FHIT: variants seen among roughly 807,000 people sequenced by gnomAD.
FHIT encodes fragile histidine triad diadenosine triphosphatase, also known as bis(5'-adenosyl)-triphosphatase.
A neutral mutation model predicts 17.9 loss-of-function variants in FHIT; 19 were observed. The observed-to-expected ratio is 1.06, with a 90% CI of 0.74 to 1.56. The LOEUF (loss-of-function observed/expected upper bound fraction) is 1.56, where lower values mean the gene tolerates loss of function less well. Among genes scored for constraint, FHIT ranks in the 40% most tolerant of loss-of-function variants. The pLI, the probability that FHIT is intolerant of heterozygous loss-of-function variation, is 0.00. For synonymous variants in FHIT, 81 were observed against 69.7 expected, an observed-to-expected ratio of 1.16 and a Z score of -0.81; for missense variants, 248 against 189.2, an observed-to-expected ratio of 1.31 and a Z score of -1.82.
chr3:60,857,599 C>A lies in FHIT; in HGVS notation c.-110-35588G>T, dbSNP rs116728739. 7.2e-3 allele frequency among the ~76,000 whole-genome samples: 1,102 copies of A among 152,262 alleles called. 12 individuals are homozygous for A. The highest frequency in any genetic ancestry group is 0.027 in the Middle Eastern group (8 of 294). On this transcript the variant is annotated intron_variant, in intron 3 of 9. Coordinates refer to ENST00000492590, the MANE Select transcript of FHIT (RefSeq NM_002012.4). ...CATGCAATAAATGTTATAAAGAGTT[C>A]TTTATTGTTCTGCCCATCAACATCT...
intron 2 of FHIT, among the ~76,000 whole-genome samples, chr3:61,094,643 G>A (rs1035702249): frequency 6.6e-6 from 1 of 152,176 alleles, no homozygotes; most frequent in African/African-American, 2.4e-5. Flanking sequence ...GATAGCTAAT[G>A]ATAAAATAGA....
rs2033546176 is a variant in FHIT, at chr3:61,042,090, CA to C, written c.-155del. On this transcript the variant is annotated 5_prime_UTR_variant, in exon 3 of 10. Coordinates refer to ENST00000492590, the MANE Select transcript of FHIT (RefSeq NM_002012.4). ...CCTTCCACCGTCTGGATGTAGATAG[CA>C]CTACGGACCTAGGGAAAGGCAGAAA... 3 of 152,296 alleles carry C rather than the reference CA, an allele frequency of 2.0e-5. No individual in the cohort carries two copies. The South Asian group carries it at 6.2e-4, about 32-fold the overall frequency. 9.4% of individuals were successfully genotyped at this position (152,296 alleles called of 1,614,324 possible). A position where few individuals can be genotyped will look rare whatever the true frequency, so the allele number is the denominator to read the frequency against.
intron 5 of FHIT, among the ~76,000 whole-genome samples, chr3:60,254,578 C>T (rs545658876): frequency 6.6e-6 from 1 of 152,206 alleles, no homozygotes; most frequent in East Asian, 1.9e-4. Flanking sequence ...AAGTCATCGG[C>T]CAACAATATT....
chr3:60,253,802 A>T (rs920718236), intron 5 of FHIT, among the ~76,000 whole-genome samples: 2 of 152,210 alleles, frequency 1.3e-5, no homozygotes, highest in African/African-American at 2.4e-5. Flanking sequence ...GAAATAAAAC[A>T]CCAGGACAAA....
chr3:61,058,470 A>C (rs1474433550), intron 2 of FHIT, among the ~76,000 whole-genome samples: 1 of 152,172 alleles, frequency 6.6e-6, no homozygotes, highest in East Asian at 1.9e-4. Flanking sequence ...TGTAATCTTC[A>C]GTGTTGGAGG....
chr3:60,356,812 A>G (rs1440274438), intron 5 of FHIT, among the ~76,000 whole-genome samples: 1 of 150,054 alleles, frequency 6.7e-6, no homozygotes, highest in Non-Finnish European at 1.5e-5. Context: ...TGAATCAGAA[A>G]CTTGGAATAA....
At chr3:60,579,186 C>T (rs1279819467) in intron 4 of FHIT, among the ~76,000 whole-genome samples, 1 of 152,138 alleles carries the variant, frequency 6.6e-6, no homozygotes. Flanking sequence ...TAAGAGTGCA[C>T]TTACACAAAC....
intron 5 of FHIT, among the ~76,000 whole-genome samples, chr3:60,496,144 T>C (rs1202068241): frequency 6.6e-6 from 1 of 152,100 alleles, no homozygotes; most frequent in East Asian, 1.9e-4. Context: ...TTAAATTTCA[T>C]TATACTAAAC....
rs1245714096 is a variant in FHIT at position 60,131,689 on chromosome 3, C to A, written c.104-117537G>T. 3.9e-5 allele frequency among the ~76,000 whole-genome samples: 6 copies of A among 152,078 alleles called. No homozygotes were observed. In the East Asian group the frequency reaches 1.2e-3, roughly 29 times the overall value. The stretch of plus-strand genomic sequence containing the variant: ...TTCTCTTTCAATCCTGTCCCCAAGC[C>A]TGAACTCATCAGTATCCCCTACTGC... On this transcript the variant is annotated intron_variant, in intron 5 of 9. Coordinates refer to ENST00000492590, the MANE Select transcript of FHIT (RefSeq NM_002012.4).
intron 5 of FHIT, among the ~76,000 whole-genome samples, chr3:60,182,164 G>GC (rs1187752742): frequency 6.6e-6 from 1 of 152,154 alleles, no homozygotes; most frequent in Non-Finnish European, 1.5e-5. Context: ...AGCAATGAAG[G>GC]CAACTAGAGG....
chr3:60,318,569 C>A (rs2106792824), intron 5 of FHIT, among the ~76,000 whole-genome samples: 1 of 152,310 alleles, frequency 6.6e-6, no homozygotes, highest in African/African-American at 2.4e-5. Flanking sequence ...AACAAGTAAA[C>A]CTCATCAGAG....
chr3:61,031,176 A>G (rs1404817407), intron 3 of FHIT, among the ~76,000 whole-genome samples: 1 of 152,228 alleles, frequency 6.6e-6, no homozygotes. Context: ...GAAAGATACT[A>G]TCTGCAGTGG....
At chr3:61,095,914 G>A (rs1180287564) in intron 2 of FHIT, among the ~76,000 whole-genome samples, 1 of 152,124 alleles carries the variant, frequency 6.6e-6, no homozygotes, top group Non-Finnish European at 1.5e-5. Flanking sequence ...TCCATTCCTG[G>A]CTCAACGCTC....
In FHIT at chr3:60,584,311, C is replaced by T. The variant is rs886430498; in HGVS notation, c.-17-47332G>A. On this transcript the variant is annotated intron_variant, in intron 4 of 9. Coordinates refer to ENST00000492590, the MANE Select transcript of FHIT (RefSeq NM_002012.4). Reference sequence around the variant, plus strand: ...TTAGGCTTTTTTTCCCCTCTGAGAGCAATTGTTAAACATTGGCCAGCATAC... The same window carrying T: ...TTAGGCTTTTTTTCCCCTCTGAGAGTAATTGTTAAACATTGGCCAGCATAC... Among the ~76,000 whole-genome samples the T allele has an allele frequency of 2.0e-5, 3 of 152,062 alleles. No homozygotes were observed. In the East Asian group the frequency reaches 5.8e-4, roughly 30 times the overall value.
chr3:60,281,184 T>C (rs1707433002), intron 5 of FHIT, among the ~76,000 whole-genome samples: 1 of 152,084 alleles, frequency 6.6e-6, no homozygotes, highest in Admixed American at 6.6e-5. Context: ...AAAATTCTGA[T>C]GAAAGAAATA....
intron 3 of FHIT, among the ~76,000 whole-genome samples, chr3:60,842,699 A>G (rs1336382718): frequency 6.8e-6 from 1 of 147,288 alleles, no homozygotes; most frequent in Non-Finnish European, 1.5e-5. Flanking sequence ...CCTTTAAAAA[A>G]TGAAAGTCCA....
intron 2 of FHIT, among the ~76,000 whole-genome samples, chr3:61,064,023 C>T (rs1280546029): frequency 6.6e-6 from 1 of 152,078 alleles, no homozygotes; most frequent in Non-Finnish European, 1.5e-5. Flanking sequence ...CAGGTACCTG[C>T]AGGTGGTAGT....
intron 5 of FHIT, among the ~76,000 whole-genome samples, chr3:60,308,496 G>GTGTGTATATA (rs1158561576): frequency 2.8e-5 from 4 of 140,878 alleles, no homozygotes; most frequent in African/African-American, 1.1e-4. Flanking sequence ...AGGTGTATGT[G>GTGTGTATATA]TATATATATA....
intron 2 of FHIT, among the ~76,000 whole-genome samples, chr3:61,150,201 G>A (rs995567961): frequency 1.3e-5 from 2 of 152,146 alleles, no homozygotes; most frequent in Non-Finnish European, 2.9e-5. Flanking sequence ...GTTACTAAAA[G>A]TGTGCTAAAT....
Sources: gnomAD v4.1 joint callset for allele counts (sites outside exome capture counted in the v4.1 genomes callset) on GRCh38, gnomAD v4.1.1 for gene constraint, MANE v1.5 for transcripts, NCBI Gene and HGNC (gene_info 2026-07-23, HGNC 2026-07-21) for gene names.